Variants in NAA16 observed in about 807,000 individuals in gnomAD.
The protein encoded by NAA16 is N-alpha-acetyltransferase 16, NatA auxiliary subunit, also known as NARG1-like protein.
Under a neutral mutation model 110.3 loss-of-function variants are expected in NAA16, and 97 were observed. That is an observed-to-expected ratio of 0.88 (90% CI 0.75 to 1.04). The LOEUF (loss-of-function observed/expected upper bound fraction) is 1.04. Among genes scored for constraint, NAA16 ranks in the 50% least tolerant of loss-of-function variants. The probability of loss-of-function intolerance (pLI) is 0.00; values close to 1 mark genes in which losing one functional copy is unlikely to be tolerated. For missense variants in NAA16, 1,017 were observed against 1,005.1 expected, an observed-to-expected ratio of 1.01 and a Z score of -0.16; for synonymous variants, 372 against 330.6, an observed-to-expected ratio of 1.13 and a Z score of -1.36.
intron 1 of NAA16, among the ~76,000 whole-genome samples, chr13:41,315,536 C>G (rs950133802): frequency 2.6e-5 from 4 of 152,166 alleles, no homozygotes; most frequent in Non-Finnish European, 5.9e-5. Context: ...TTTTGAACCT[C>G]TGGAGTTTCA....
At chr13:41,361,180 C>T (rs1446221623) in intron 12 of NAA16, among the ~76,000 whole-genome samples, 1 of 152,074 alleles carries the variant, frequency 6.6e-6, no homozygotes, top group Non-Finnish European at 1.5e-5. Context: ...TCTCACACTC[C>T]CCTCAGAATT....
Position 41,358,827 on chromosome 13 carries a change from A to C in NAA16, c.1275A>C (p.Lys425Asn). Residue 425 changes from lysine to asparagine, a missense_variant, in exon 12 of 20, where the codon AAA becomes AAC. Physicochemically the swap from Lys to Asn is moderately conservative, Grantham distance 94 (BLOSUM62 0). Coordinates refer to ENST00000379406, the MANE Select transcript of NAA16 (RefSeq NM_024561.5). ...AKIYKHIGNL[K>N]EAAKWMDEAQ... ...TTTTATAGCATATAGGTAATCTCAA[A>C]GAAGCTGCAAAGTGGATGGATGAAG... 6.2e-7 allele frequency: 1 copy of C among 1,603,384 alleles called. No individual in the cohort carries two copies. The highest frequency in any genetic ancestry group is 8.5e-7 in the Non-Finnish European group (1 of 1,173,286).
At chr13:41,343,432 A>G (rs9532794) in intron 9 of NAA16, among the ~76,000 whole-genome samples, 109,327 of 152,066 alleles carry the variant, frequency 0.72, 41,491 homozygotes, top group South Asian at 0.9. Flanking sequence ...GTTTTTTTTT[A>G]CTGTGAATTT....
At chr13:41,318,740 A>T (rs1191394649) in intron 2 of NAA16, 66 bp from the exon 3 acceptor site, 1 of 729,736 alleles carries the variant, frequency 1.4e-6, no homozygotes, top group Non-Finnish European at 2.1e-6. Flanking sequence ...CTATTAAAGT[A>T]CTATTAAGAG....
chr13:41,322,747 C>T (rs1049298364), intron 4 of NAA16, among the ~76,000 whole-genome samples: 43 of 151,614 alleles, frequency 2.8e-4, no homozygotes, highest in African/African-American at 9.5e-4. Context: ...AAAAAACCAT[C>T]TTAGTCTTCT....
At position 41,358,867 on chromosome 13, in the gene NAA16, A is replaced by G. The variant is rs751378681; in HGVS notation, c.1315A>G (p.Thr439Ala). The G allele has an allele frequency of 6.2e-6, 10 of 1,611,702 alleles. No homozygotes were observed. The East Asian group carries it at 6.7e-5, about 11-fold the overall frequency. ...GATGGATGAAGCACAGTCTTTGGAC[A>G]CAGCTGATAGATTCATCAATTCCAA... ...KWMDEAQSLD[T>A]ADRFINSKCA... Residue 439 changes from threonine to alanine, a missense_variant, in exon 12 of 20, where the codon ACA becomes GCA. Thr to Ala is a moderately conservative substitution (Grantham distance 58, BLOSUM62 0). Coordinates refer to ENST00000379406, the MANE Select transcript of NAA16 (RefSeq NM_024561.5).
At chr13:41,324,881 T>G (rs576061651) in intron 5 of NAA16, among the ~76,000 whole-genome samples, 10 of 149,882 alleles carry the variant, frequency 6.7e-5, no homozygotes, top group Admixed American at 2.7e-4. Context: ...AATGTTGTGT[T>G]TTTTTTTTTT....
At chr13:41,359,593 A>C (rs2043069519) in intron 12 of NAA16, among the ~76,000 whole-genome samples, 2 of 152,334 alleles carry the variant, frequency 1.3e-5, no homozygotes, top group Non-Finnish European at 2.9e-5. Context: ...TGTAAAAATC[A>C]GAGATGAAAA....
At chr13:41,371,413 G>T (rs1339117258) in intron 15 of NAA16, among the ~76,000 whole-genome samples, 1 of 152,108 alleles carries the variant, frequency 6.6e-6, no homozygotes, top group Non-Finnish European at 1.5e-5. Context: ...CTTACATAAA[G>T]TTAGATGGAA....
intron 9 of NAA16, among the ~76,000 whole-genome samples, chr13:41,352,796 G>T (rs964744724): frequency 6.6e-6 from 1 of 151,998 alleles, no homozygotes; most frequent in Non-Finnish European, 1.5e-5. Flanking sequence ...CCCGTAATCA[G>T]ATCTTGTTTT....
At chr13:41,320,904 A>C (rs2041929028) in intron 4 of NAA16, 80 bp downstream of exon 4, 6 of 1,250,868 alleles carry the variant, frequency 4.8e-6, no homozygotes, top group Non-Finnish European at 6.5e-6. Flanking sequence ...TGAGGTGAGC[A>C]TAAGCCAAAA....
chr13:41,313,056 A>G (rs982312146), intron 1 of NAA16, among the ~76,000 whole-genome samples: 1 of 152,068 alleles, frequency 6.6e-6, no homozygotes, highest in Non-Finnish European at 1.5e-5. Context: ...GGATTTCAGG[A>G]CATTTGGCAT....
At chr13:41,328,672 T>C in intron 6 of NAA16, 52 bp from the exon 7 acceptor site, 2 of 1,463,558 alleles carry the variant, frequency 1.4e-6, no homozygotes, top group Non-Finnish European at 1.9e-6. Flanking sequence ...GTCCCTGGGG[T>C]CAGATAGATA....
chr13:41,328,774 A>G lies in NAA16; in HGVS notation c.742A>G (p.Lys248Glu). The stretch of plus-strand genomic sequence containing the variant: ...ATTAAAAGAAGCCAGTGAAGTGTTC[A>G]AAAACTTGATTGATCGAAATGCAGA... ...GRLKEASEVF[K>E]NLIDRNAENW... Residue 248 changes from lysine to glutamate, a missense_variant, in exon 7 of 20, where the codon AAA (lysine) becomes GAA (glutamate). Transcript: ENST00000379406. 1 of 1,609,034 alleles carries G rather than the reference A, an allele frequency of 6.2e-7. No homozygotes were observed. Among genetic ancestry groups the G allele is most frequent in the Non-Finnish European group, 8.5e-7 (1 of 1,175,928 alleles).
At chr13:41,364,800 C>T (rs1274198229) in intron 13 of NAA16, among the ~76,000 whole-genome samples, 1 of 152,138 alleles carries the variant, frequency 6.6e-6, no homozygotes, top group Non-Finnish European at 1.5e-5. Flanking sequence ...AACAGATTCT[C>T]TATTAAGTAA....
intron 8 of NAA16, among the ~76,000 whole-genome samples, chr13:41,332,377 T>G (rs974883036): frequency 6.6e-6 from 1 of 152,214 alleles, no homozygotes; most frequent in Non-Finnish European, 1.5e-5. Flanking sequence ...TTGTACTTTA[T>G]ATAAATAGGA....
At position 41,320,918 on chromosome 13, in the gene NAA16, A is replaced by G. The variant is rs375007996; in HGVS notation, c.402+94A>G. On this transcript the variant is annotated intron_variant, in intron 4 of 19. Transcript: ENST00000379406. ...ATGAGGTGAGCATAAGCCAAAATCA[A>G]GTAGATTTGATTGTTCATTAGAAGG... 3.1e-5 allele frequency: 35 copies of G among 1,119,694 alleles called. 1 individual carries two copies. The highest frequency in any genetic ancestry group is 3.0e-4 in the South Asian group (18 of 59,600). 69.4% of individuals were successfully genotyped at this position (1,119,694 alleles called of 1,614,324 possible).
At chr13:41,339,781 A>G (rs1402475034) in intron 9 of NAA16, among the ~76,000 whole-genome samples, 2 of 152,198 alleles carry the variant, frequency 1.3e-5, no homozygotes, top group East Asian at 3.9e-4. Flanking sequence ...GGTGGTCTCA[A>G]ACTCTGGCCT....
At chr13:41,333,058 C>T (rs2042282352) in intron 8 of NAA16, among the ~76,000 whole-genome samples, 1 of 151,950 alleles carries the variant, frequency 6.6e-6, no homozygotes, top group Admixed American at 6.6e-5. Context: ...TGTTCTTCAG[C>T]CAAGTAAGTT....
Sources: allele counts gnomAD v4.1 joint callset (sites outside exome capture counted in the v4.1 genomes callset), GRCh38; gene constraint gnomAD v4.1.1; transcripts MANE v1.5; gene names NCBI Gene and HGNC (gene_info 2026-07-23, HGNC 2026-07-21).